The following ACTR3 variants were observed in gnomAD, a reference collection of about 807,000 sequenced individuals.
ACTR3 encodes the protein actin-related protein 3.
ACTR3 carries 12 observed loss-of-function variants against 56.8 expected under a neutral mutation model. The ratio of observed to expected loss-of-function variants is 0.21; its 90% CI spans 0.14 to 0.34. The LOEUF (loss-of-function observed/expected upper bound fraction) is 0.34, where lower values mean the gene tolerates loss of function less well. Among genes scored for constraint, ACTR3 ranks in the 10% least tolerant of loss-of-function variants. The pLI is 1.00. For synonymous variants in ACTR3, 162 were observed against 167.4 expected (o/e 0.97, Z 0.25); for missense variants, 282 against 512.5 (o/e 0.55, Z 4.34).
intron 6 of ACTR3, among the ~76,000 whole-genome samples, chr2:113,937,386 A>G (rs1470952987): frequency 2.6e-5 from 4 of 152,166 alleles, no homozygotes; most frequent in Non-Finnish European, 4.4e-5. Context: ...GATTACAGGC[A>G]TGAGCCACTG....
chr2:113,930,454 T>G (rs1679698441), intron 4 of ACTR3, among the ~76,000 whole-genome samples: 1 of 152,186 alleles, frequency 6.6e-6, no homozygotes, highest in South Asian at 2.1e-4. Context: ...AAGGAGTTAT[T>G]CCTACCTTAA....
upstream of ACTR3, chr2:113,889,970 C>G: frequency 3.8e-6 from 2 of 530,952 alleles, no homozygotes; most frequent in Non-Finnish European, 6.6e-6. Context: ...ATCTTGGCTT[C>G]CCGGGGAAAG....
chr2:113,956,836 T>G (rs753489014), intron 11 of ACTR3, among the ~76,000 whole-genome samples: 2 of 152,352 alleles, frequency 1.3e-5, no homozygotes, highest in East Asian at 3.9e-4. Flanking sequence ...AATTGGGCCA[T>G]ATAACCTAGT....
chr2:113,917,037 ATTTTC>A (rs1574361559), intron 3 of ACTR3, 29 bp downstream of exon 3: 1 of 1,566,706 alleles, frequency 6.4e-7, no homozygotes, highest in Admixed American at 1.8e-5. Context: ...TATAAATAAC[ATTTTC>A]AAAAAATAGT....
intron 8 of ACTR3, among the ~76,000 whole-genome samples, chr2:113,943,157 GAGGGCACAGGAACAA>G (rs1679955556): frequency 6.6e-6 from 1 of 152,224 alleles, no homozygotes; most frequent in Non-Finnish European, 1.5e-5. Context: ...TGTATCTGCT[GAGGGCACAGGAACAA>G]AGAGCATGTA....
At chr2:113,923,189 C>G (rs1309058556) in intron 3 of ACTR3, among the ~76,000 whole-genome samples, 1 of 152,172 alleles carries the variant, frequency 6.6e-6, no homozygotes, top group Non-Finnish European at 1.5e-5. Flanking sequence ...TAAAACGACA[C>G]TTCTTAGTGA....
In ACTR3 at chr2:113,957,432, C is replaced by G; in HGVS notation, c.1234C>G (p.Pro412Ala). The G allele has an allele frequency of 6.2e-7, 1 of 1,613,170 alleles. No individual in the cohort carries two copies. Among genetic ancestry groups the G allele is most frequent in the Non-Finnish European group, 8.5e-7 (1 of 1,179,434 alleles). The change falls in exon 12 of 12, where the codon CCA becomes GCA. Residue 412 changes from proline (P) to alanine (A), a missense_variant. By Grantham distance (27) the Pro-to-Ala change is conservative. Coordinates refer to ENST00000263238, the MANE Select transcript of ACTR3 (RefSeq NM_005721.5). ...EIGPSICRHN[P>A]VFGVMS ...TGGACCTAGCATTTGTCGTCACAAT[C>G]CAGTGTTTGGAGTCATGTCGTAAAA...
intron 6 of ACTR3, among the ~76,000 whole-genome samples, chr2:113,938,792 C>T (rs1040891292): frequency 9.2e-5 from 14 of 152,124 alleles, no homozygotes; most frequent in Non-Finnish European, 1.5e-4. Context: ...TTCAACTCCT[C>T]CCCCTCCAAT....
At chr2:113,934,741 A>C (rs1294158904) in intron 6 of ACTR3, 1 of 155,648 alleles carries the variant, frequency 6.4e-6, no homozygotes, top group Non-Finnish European at 1.4e-5. Flanking sequence ...ACTGTATAAC[A>C]GTTAGTTTTA....
chr2:113,955,250 T>C (rs2104632666), intron 10 of ACTR3: 1 of 156,886 alleles, frequency 6.4e-6, no homozygotes, highest in Middle Eastern at 3.2e-3. Context: ...AGTGTGCTTA[T>C]GTTTGAAAAA....
chr2:113,901,178 C>T (rs896537762), intron 1 of ACTR3, among the ~76,000 whole-genome samples: 7 of 152,138 alleles, frequency 4.6e-5, no homozygotes, highest in Non-Finnish European at 8.8e-5. Flanking sequence ...ATTAGCTGGG[C>T]GTGGTGGCGT....
intron 8 of ACTR3, among the ~76,000 whole-genome samples, chr2:113,944,946 G>GCGAAA (rs1679989828): frequency 6.6e-6 from 1 of 152,082 alleles, no homozygotes; most frequent in Non-Finnish European, 1.5e-5. Context: ...AGACAGTTGT[G>GCGAAA]GGAAAGGAGG....
chr2:113,898,904 A>G (rs1363372971), intron 1 of ACTR3, among the ~76,000 whole-genome samples: 1 of 152,166 alleles, frequency 6.6e-6, no homozygotes, highest in East Asian at 1.9e-4. Context: ...TTTCAAAGAT[A>G]AGTAGTAGAT....
chr2:113,957,182 T>C (rs1234907071), intron 11 of ACTR3, among the ~76,000 whole-genome samples, 178 bp from the exon 12 acceptor site: 2 of 152,204 alleles, frequency 1.3e-5, no homozygotes, highest in Non-Finnish European at 2.9e-5. Context: ...TAAAGATTTA[T>C]AGCTGATTTT....
At chr2:113,948,309 C>A (rs1298345727) in intron 8 of ACTR3, among the ~76,000 whole-genome samples, 2 of 152,034 alleles carry the variant, frequency 1.3e-5, no homozygotes, top group Non-Finnish European at 2.9e-5. Context: ...GCCACCACTT[C>A]CAGCTAATTT....
At chr2:113,932,469 C>T (rs570108261) in intron 5 of ACTR3, among the ~76,000 whole-genome samples, 17 of 152,264 alleles carry the variant, frequency 1.1e-4, no homozygotes, top group African/African-American at 3.9e-4. Context: ...ACACTGGCAT[C>T]ATGAGCTTTG....
intron 6 of ACTR3, among the ~76,000 whole-genome samples, chr2:113,937,395 T>G (rs1679848424): frequency 6.6e-6 from 1 of 152,172 alleles, no homozygotes; most frequent in African/African-American, 2.4e-5. Context: ...CATGAGCCAC[T>G]GTGCCCAGCC....
intron 1 of ACTR3, among the ~76,000 whole-genome samples, chr2:113,899,001 A>G (rs765634690): frequency 5.3e-5 from 8 of 152,168 alleles, no homozygotes; most frequent in Non-Finnish European, 1.2e-4. Flanking sequence ...AGAGTGGTCA[A>G]ATTATTAGTC....
chr2:113,949,655 A>G (rs999736785), intron 8 of ACTR3, among the ~76,000 whole-genome samples: 7 of 152,052 alleles, frequency 4.6e-5, no homozygotes, highest in African/African-American at 1.7e-4. Flanking sequence ...TCGAATTCCT[A>G]GGGTCAAGCA....
Sources: gnomAD v4.1 joint callset for allele counts (sites outside exome capture counted in the v4.1 genomes callset) on GRCh38, gnomAD v4.1.1 for gene constraint, MANE v1.5 for transcripts, NCBI Gene and HGNC (gene_info 2026-07-23, HGNC 2026-07-21) for gene names.